The following NSRP1 variants were observed in gnomAD, a reference collection of about 807,000 sequenced individuals.
NSRP1 encodes nuclear speckle splicing regulatory protein 1, also known as coiled-coil domain containing 55.
A neutral mutation model predicts 54.7 loss-of-function variants in NSRP1; 24 were observed. The ratio of observed to expected loss-of-function variants is 0.44; its 90% CI spans 0.32 to 0.62. NSRP1 has a LOEUF of 0.62. NSRP1 is among the 20% of genes least tolerant of loss of function. The pLI, the probability that NSRP1 is intolerant of heterozygous loss-of-function variation, is 0.06. For missense variants in NSRP1, 596 were observed against 651.2 expected (o/e 0.92, Z 0.92); for synonymous variants, 210 against 213.8 (o/e 0.98, Z 0.15).
At chr17:30,152,721 A>C (rs1179701829) in intron 2 of NSRP1, among the ~76,000 whole-genome samples, 1 of 151,722 alleles carries the variant, frequency 6.6e-6, no homozygotes, top group African/African-American at 2.4e-5. Context: ...TGGAAGATAC[A>C]TTGTTAAAAG....
intron 3 of NSRP1, among the ~76,000 whole-genome samples, chr17:30,176,460 A>G (rs943999411): frequency 6.6e-6 from 1 of 152,058 alleles, no homozygotes; most frequent in African/African-American, 2.4e-5. Flanking sequence ...AATACAAAAA[A>G]TTAGCCAGGC....
At chr17:30,184,330 A>G (rs546420689) in intron 6 of NSRP1, among the ~76,000 whole-genome samples, 14 of 152,340 alleles carry the variant, frequency 9.2e-5, no homozygotes, top group African/African-American at 3.1e-4. Context: ...CAAAAAATGA[A>G]GACCTGTACA....
At chr17:30,176,493 C>T (rs1450321023) in intron 3 of NSRP1, among the ~76,000 whole-genome samples, 4 of 151,862 alleles carry the variant, frequency 2.6e-5, no homozygotes, top group South Asian at 2.1e-4. Flanking sequence ...GCCTGTAATC[C>T]TAGCTACTCA....
At chr17:30,157,041 G>A (rs1044025765) in intron 2 of NSRP1, among the ~76,000 whole-genome samples, 4 of 152,104 alleles carry the variant, frequency 2.6e-5, no homozygotes, top group Non-Finnish European at 5.9e-5. Context: ...CGGTAGTTCT[G>A]TGTTTAATTT....
In NSRP1 at chr17:30,162,390, A is replaced by G. The variant is rs545013795; in HGVS notation, c.115-10152A>G. ...TGTCTTAGGTCTGAGCTTATATTAC[A>G]TAATGAAAATGTTAGGGTACTCATC... On this transcript the variant is annotated intron_variant, in intron 2 of 6. Coordinates refer to ENST00000247026, the MANE Select transcript of NSRP1 (RefSeq NM_032141.4). Among the ~76,000 whole-genome samples, 18 of 152,320 alleles carry G rather than the reference A, an allele frequency of 1.2e-4. 1 individual carries two copies. The South Asian group carries it at 3.1e-3, about 26-fold the overall frequency.
intron 2 of NSRP1, among the ~76,000 whole-genome samples, chr17:30,141,610 T>C (rs1427018765): frequency 6.6e-6 from 1 of 152,236 alleles, no homozygotes; most frequent in Non-Finnish European, 1.5e-5. Flanking sequence ...TTTAAAGTAC[T>C]ATATACCTTT....
chr17:30,132,163 G>A (rs9909359), intron 2 of NSRP1, among the ~76,000 whole-genome samples: 12,626 of 149,214 alleles, frequency 0.085, 1,669 homozygotes, highest in African/African-American at 0.29. Context: ...CAGGAGAATG[G>A]CATGAACCAG....
At chr17:30,122,944 C>CT (rs1236885759) in intron 2 of NSRP1, among the ~76,000 whole-genome samples, 2 of 151,826 alleles carry the variant, frequency 1.3e-5, no homozygotes, top group African/African-American at 4.8e-5. Flanking sequence ...TGTCATTTAC[C>CT]TTTTTTTAAA....
At chr17:30,128,484 A>G (rs979429811) in intron 2 of NSRP1, among the ~76,000 whole-genome samples, 12 of 152,168 alleles carry the variant, frequency 7.9e-5, no homozygotes, top group African/African-American at 1.9e-4. Flanking sequence ...AATTTTTGTT[A>G]TAAATTAATG....
At chr17:30,119,504 C>T (rs939046471) in intron 2 of NSRP1, among the ~76,000 whole-genome samples, 1 of 151,984 alleles carries the variant, frequency 6.6e-6, no homozygotes, top group Non-Finnish European at 1.5e-5. Flanking sequence ...AGTCACCATG[C>T]CCAGCCTCTT....
At chr17:30,172,447 A>G in intron 2 of NSRP1, 95 bp from the exon 3 acceptor site, 1 of 842,146 alleles carries the variant, frequency 1.2e-6, no homozygotes. Context: ...AATACAAAAC[A>G]CTTCTGGTCC....
At chr17:30,131,458 CAA>C (rs1218679311) in intron 2 of NSRP1, among the ~76,000 whole-genome samples, 2 of 152,044 alleles carry the variant, frequency 1.3e-5, no homozygotes, top group African/African-American at 4.8e-5. Flanking sequence ...CTCAGTAAAG[CAA>C]GTCATGTAAG....
intron 2 of NSRP1, among the ~76,000 whole-genome samples, chr17:30,134,486 G>A (rs1354845931): frequency 3.9e-5 from 6 of 152,148 alleles, no homozygotes; most frequent in African/African-American, 1.2e-4. Context: ...ATAATGGTAC[G>A]GTCATTGTAA....
intron 2 of NSRP1, among the ~76,000 whole-genome samples, chr17:30,160,043 C>T (rs1369856136): frequency 6.6e-6 from 1 of 151,886 alleles, no homozygotes; most frequent in Non-Finnish European, 1.5e-5. Context: ...CTTTTTCTGC[C>T]CCAATTGAGA....
intron 2 of NSRP1, among the ~76,000 whole-genome samples, chr17:30,134,712 G>A (rs77569577): frequency 6.6e-6 from 1 of 152,144 alleles, no homozygotes; most frequent in African/African-American, 2.4e-5. Flanking sequence ...ACAATGTAAT[G>A]TACTCCCTCT....
At chr17:30,152,817 A>C (rs2071924933) in intron 2 of NSRP1, among the ~76,000 whole-genome samples, 1 of 149,272 alleles carries the variant, frequency 6.7e-6, no homozygotes, top group African/African-American at 2.5e-5. Context: ...GTTTCTCTTT[A>C]ATTCTATTTT....
chr17:30,179,380 C>G, intron 5 of NSRP1, 83 bp downstream of exon 5: 1 of 1,430,556 alleles, frequency 7.0e-7, no homozygotes, highest in Middle Eastern at 1.8e-4. Context: ...TGTCACTGAA[C>G]TTTAGGGTTA....
intron 4 of NSRP1, among the ~76,000 whole-genome samples, chr17:30,178,669 A>G (rs1905205274): frequency 6.6e-6 from 1 of 152,206 alleles, no homozygotes; most frequent in Non-Finnish European, 1.5e-5. Flanking sequence ...TTCTTTCACA[A>G]GCACAGGCTG....
chr17:30,176,305 A>G (rs1230032525), intron 3 of NSRP1, among the ~76,000 whole-genome samples: 1 of 152,096 alleles, frequency 6.6e-6, no homozygotes, highest in Non-Finnish European at 1.5e-5. Flanking sequence ...ATACAAAGGC[A>G]TGTCATCAGT....
Sources: gnomAD v4.1 joint callset for allele counts (sites outside exome capture counted in the v4.1 genomes callset) on GRCh38, gnomAD v4.1.1 for gene constraint, MANE v1.5 for transcripts, NCBI Gene and HGNC (gene_info 2026-07-23, HGNC 2026-07-21) for gene names.